Variants in CELF2 observed in about 807,000 individuals in gnomAD.
The protein encoded by CELF2 is CUGBP Elav-like family member 2, also known as CUG triplet repeat RNA-binding protein 2.
CELF2 carries 8 observed loss-of-function variants against 62.6 expected under a neutral mutation model. That is an observed-to-expected ratio of 0.13 (90% CI 0.07 to 0.23). The LOEUF (loss-of-function observed/expected upper bound fraction) is 0.23, where lower values mean the gene tolerates loss of function less well. Among genes scored for constraint, CELF2 ranks in the 10% least tolerant of loss-of-function variants. The pLI is 1.00. For synonymous variants in CELF2, 258 were observed against 250.0 expected (o/e 1.03, Z -0.30); for missense variants, 333 against 671.0 (o/e 0.50, Z 5.56).
intron 1 of CELF2, among the ~76,000 whole-genome samples, chr10:10,818,936 TG>T (rs2056733184): frequency 6.6e-6 from 1 of 152,006 alleles, no homozygotes; most frequent in South Asian, 2.1e-4. Context: ...CTGGGCTTCT[TG>T]GGTGTGTGTG....
chr10:10,883,674 G>A (rs920002586), intron 1 of CELF2, among the ~76,000 whole-genome samples: 7 of 152,120 alleles, frequency 4.6e-5, no homozygotes, highest in South Asian at 2.1e-4. Flanking sequence ...GTACTGAGAC[G>A]GTGCGGAGTC....
At chr10:10,818,534 A>G (rs982699520) in intron 1 of CELF2, among the ~76,000 whole-genome samples, 3 of 147,468 alleles carry the variant, frequency 2.0e-5, no homozygotes, top group Non-Finnish European at 4.4e-5. Flanking sequence ...AACAAGCAGC[A>G]TTAAATATTT....
chr10:10,473,651 G>A, the CELF2 span, among the ~76,000 whole-genome samples: 1 of 152,058 alleles, frequency 6.6e-6, no homozygotes, highest in Non-Finnish European at 1.5e-5. Flanking sequence ...TTTTCGTTGA[G>A]TCATTTGTTT....
At chr10:11,245,207 A>G (rs1272757227) in intron 3 of CELF2, among the ~76,000 whole-genome samples, 1 of 152,230 alleles carries the variant, frequency 6.6e-6, no homozygotes, top group African/African-American at 2.4e-5. Context: ...ACTCTTTTAT[A>G]ATAACTTCTC....
At chr10:11,031,438 G>C (rs2060096725) in intron 1 of CELF2, among the ~76,000 whole-genome samples, 1 of 152,262 alleles carries the variant, frequency 6.6e-6, no homozygotes, top group African/African-American at 2.4e-5. Flanking sequence ...TGTGTTTTCA[G>C]CAAATCATAA....
chr10:11,158,539 C>G (rs2065017794), intron 1 of CELF2, among the ~76,000 whole-genome samples: 1 of 152,038 alleles, frequency 6.6e-6, no homozygotes. Flanking sequence ...TGAGGGCTGT[C>G]TTAAGCTGCT....
At chr10:10,774,468 C>T in the CELF2 span, among the ~76,000 whole-genome samples, 1 of 152,162 alleles carries the variant, frequency 6.6e-6, no homozygotes, top group African/African-American at 2.4e-5. Flanking sequence ...TGGTTTAGCA[C>T]CATCGCTTTG....
chr10:11,297,609 A>G lies in CELF2; in HGVS notation c.976+9057A>G, dbSNP rs533211039. Among the ~76,000 whole-genome samples the G allele has an allele frequency of 6.6e-6, 1 of 152,330 alleles. No individual in the cohort carries two copies. Among genetic ancestry groups the G allele is most frequent in the South Asian group, 2.1e-4 (1 of 4,832 alleles). The stretch of plus-strand genomic sequence containing the variant: ...TGGCTGCTTCACTGCAGTGGTTGAC[A>G]GTTTTGCAGGCAGTGAGAGAGGACA... On this transcript the variant is annotated intron_variant, in intron 9 of 12. Transcript: ENST00000633077. This position sits in a 1 kb window ranked among gnomAD's most constrained non-coding sequence, Gnocchi z 4.4.
At chr10:11,219,379 T>C (rs1330058239) in intron 3 of CELF2, among the ~76,000 whole-genome samples, 1 of 152,240 alleles carries the variant, frequency 6.6e-6, no homozygotes, top group Non-Finnish European at 1.5e-5. Context: ...GTTACTTCTT[T>C]TCTTCCTAAA....
chr10:10,860,089 A>T (rs2059968420), intron 1 of CELF2, among the ~76,000 whole-genome samples: 1 of 152,152 alleles, frequency 6.6e-6, no homozygotes, highest in African/African-American at 2.4e-5. Flanking sequence ...TAAATTTATA[A>T]GATAGCTATA....
intron 10 of CELF2, chr10:11,320,934 GT>G (rs1287756284): frequency 1.3e-6 from 2 of 1,547,472 alleles, no homozygotes; most frequent in Non-Finnish European, 1.7e-6. Flanking sequence ...GCATTGAGCT[GT>G]CTCGTCTAAC....
chr10:11,294,380 T>C (rs1031591701), intron 9 of CELF2, among the ~76,000 whole-genome samples: 13 of 152,230 alleles, frequency 8.5e-5, no homozygotes, highest in African/African-American at 2.9e-4. Context: ...TTTTTACTTA[T>C]ACCACACTTA....
At chr10:10,879,789 G>A (rs553792407) in intron 1 of CELF2, among the ~76,000 whole-genome samples, 2 of 152,244 alleles carry the variant, frequency 1.3e-5, no homozygotes, top group South Asian at 4.1e-4. Flanking sequence ...TTCCTTGGGT[G>A]GAATAACTCC....
the CELF2 span, among the ~76,000 whole-genome samples, chr10:10,535,992 T>C: frequency 2.0e-5 from 3 of 150,360 alleles, no homozygotes; most frequent in African/African-American, 4.9e-5. Flanking sequence ...CCAGTGTTCA[T>C]AGGGGTGGGG....
At chr10:11,289,158 A>G (rs1032203494) in intron 9 of CELF2, among the ~76,000 whole-genome samples, 1 of 151,792 alleles carries the variant, frequency 6.6e-6, no homozygotes, top group Non-Finnish European at 1.5e-5. Flanking sequence ...TTGCTTAGAT[A>G]CCGTGATTTG....
rs1233309811 is a variant in CELF2, at chr10:11,039,337, G to C, written c.74+21174G>C. ...GGGGCACCTCCCATGCCAGGATTTG[G>C]GATGTAAGCTCATCTCAAATGTAGC... On this transcript the variant is annotated intron_variant, in intron 1 of 12. Coordinates refer to ENST00000633077, the MANE Select transcript of CELF2 (RefSeq NM_001326342.2). The surrounding 1 kb of genome is among the most constrained non-coding windows in gnomAD (Gnocchi z 4.1). Among the ~76,000 whole-genome samples, 1 of 152,122 alleles carries C rather than the reference G, an allele frequency of 6.6e-6. No homozygotes were observed. The highest frequency in any genetic ancestry group is 1.5e-5 in the Non-Finnish European group (1 of 68,000).
intron 1 of CELF2, among the ~76,000 whole-genome samples, chr10:11,023,453 T>C (rs7068124): frequency 0.92 from 140,080 of 152,316 alleles, 65,589 homozygotes; most frequent in East Asian, 1. Flanking sequence ...ATGTGATGCT[T>C]TCAGGTAATT....
Position 11,019,955 on chromosome 10 carries a change from A to C in CELF2, c.74+1792A>C, listed in dbSNP as rs537084989. Among the ~76,000 whole-genome samples, 3 of 152,352 alleles carry C rather than the reference A, an allele frequency of 2.0e-5. No homozygotes were observed. In the South Asian group the frequency reaches 6.2e-4, roughly 32 times the overall value. On this transcript the variant is annotated intron_variant, in intron 1 of 12. Coordinates refer to ENST00000633077, the MANE Select transcript of CELF2 (RefSeq NM_001326342.2). Reference sequence around the variant, plus strand: ...TTGAATTTATGGTCACCTGCTACTTAAGTGACCATAATATAGCTAAGCTGA... The same window carrying C: ...TTGAATTTATGGTCACCTGCTACTTCAGTGACCATAATATAGCTAAGCTGA...
At chr10:10,731,534 C>T in the CELF2 span, among the ~76,000 whole-genome samples, 2 of 152,134 alleles carry the variant, frequency 1.3e-5, no homozygotes, top group African/African-American at 4.8e-5. Context: ...GAAAACTTCT[C>T]CAGCATCTGT....
Sources: gnomAD v4.1 joint callset for allele counts (sites outside exome capture counted in the v4.1 genomes callset) on GRCh38, gnomAD v4.1.1 for gene constraint, Gnocchi (gnomAD v3.1) non-coding constraint, MANE v1.5 for transcripts, NCBI Gene and HGNC (gene_info 2026-07-23, HGNC 2026-07-21) for gene names.